The following IGFLR1 variants were observed in gnomAD, a reference collection of about 807,000 sequenced individuals.
IGFLR1 encodes IGF like family receptor 1, also known as IGF-like family receptor 1.
Under a neutral mutation model 23.4 loss-of-function variants are expected in IGFLR1, and 17 were observed. The observed-to-expected ratio is 0.73, with a 90% CI of 0.50 to 1.09. The LOEUF (loss-of-function observed/expected upper bound fraction) is 1.09, where lower values mean the gene tolerates loss of function less well. IGFLR1 is among the 50% of genes least tolerant of loss of function. IGFLR1 has a pLI of 0.00. For missense variants in IGFLR1, 556 were observed against 459.2 expected, an observed-to-expected ratio of 1.21 and a Z score of -1.93; for synonymous variants, 265 against 210.7, an observed-to-expected ratio of 1.26 and a Z score of -2.23.
chr19:35,742,205 G>A (rs998742105), intron 1 of IGFLR1, among the ~76,000 whole-genome samples, 191 bp downstream of exon 1: 3 of 152,030 alleles, frequency 2.0e-5, no homozygotes, highest in African/African-American at 7.3e-5. Context: ...ATCACAATTC[G>A]GCAGGCACGG....
intron 1 of IGFLR1, 77 bp from the exon 2 acceptor site, chr19:35,741,300 A>T: frequency 6.9e-7 from 1 of 1,459,314 alleles, no homozygotes; most frequent in Non-Finnish European, 9.3e-7. Context: ...CCTCTTCGGA[A>T]GCCGGGAATC....
intron 1 of IGFLR1, 138 bp downstream of exon 1, chr19:35,742,253 GCACCT>G (rs769928801): frequency 1.6e-4 from 91 of 581,056 alleles, no homozygotes; most frequent in Non-Finnish European, 2.3e-4. Flanking sequence ...CCACCTCCCA[GCACCT>G]CACCTCACCT....
chr19:35,739,275 G>A lies in IGFLR1; in HGVS notation c.*5C>T. On this transcript the variant is annotated 3_prime_UTR_variant, in exon 5 of 5. Transcript: ENST00000246532. ...TTAGTAGTCAGCAAAGTTCTTTATT[G>A]GGTGTTAAGCCCAGCAAACCCCAGA... The A allele has an allele frequency of 6.4e-7, 1 of 1,566,114 alleles. No individual in the cohort carries two copies. Among genetic ancestry groups the A allele is most frequent in the Non-Finnish European group, 8.7e-7 (1 of 1,151,454 alleles).
chr19:35,739,195 T>G lies in IGFLR1; in HGVS notation c.*85A>C. 1 of 1,272,342 alleles carries G rather than the reference T, an allele frequency of 7.9e-7. No homozygotes were observed. The highest frequency in any genetic ancestry group is 1.1e-6 in the Non-Finnish European group (1 of 930,890). The allele number at this position is 1,272,342 out of a possible 1,614,324, so 78.8% of individuals were successfully genotyped here. A position where few individuals can be genotyped will look rare whatever the true frequency, so the allele number is the denominator to read the frequency against. ...GCAGTGAGGCTATCTGTTGGGTCTT[T>G]GCCCAATTAGGATTGTACTTCAAGA... On this transcript the variant is annotated 3_prime_UTR_variant, in exon 5 of 5. Coordinates refer to ENST00000246532, the MANE Select transcript of IGFLR1 (RefSeq NM_024660.4).
chr19:35,739,765 G>T lies in IGFLR1; in HGVS notation c.666C>A (p.Ala222=). 1 of 1,558,130 alleles carries T rather than the reference G, an allele frequency of 6.4e-7. No homozygotes were observed. Among genetic ancestry groups the T allele is most frequent in the Non-Finnish European group, 8.7e-7 (1 of 1,148,958 alleles). ...CCTTCCATGTGTCCCCTGTCTCCAGGGCGCCTGGGGAGGACAGATGCGAGG... is the reference window on the plus strand; with the variant it reads ...CCTTCCATGTGTCCCCTGTCTCCAGTGCGCCTGGGGAGGACAGATGCGAGG... ...PSSSHLSSPG[A]LETGDTWKEA... is the part of the protein sequence containing the mutation. Residue 222 remains alanine (A), a synonymous_variant, in exon 4 of 5, where the codon GCC becomes GCA. Coordinates refer to ENST00000246532, the MANE Select transcript of IGFLR1 (RefSeq NM_024660.4).
At chr19:35,740,334 C>A in intron 3 of IGFLR1, 46 bp downstream of exon 3, 1 of 1,505,848 alleles carries the variant, frequency 6.6e-7, no homozygotes, top group Non-Finnish European at 8.8e-7. Flanking sequence ...CATCTAGGCC[C>A]CCCACCTCCA....
intron 1 of IGFLR1, 94 bp from the exon 2 acceptor site, chr19:35,741,317 C>T: frequency 2.3e-6 from 3 of 1,324,824 alleles, no homozygotes; most frequent in Non-Finnish European, 3.1e-6. Context: ...AATCTACCCC[C>T]GAGCCCTCAT....
rs199915081 is a variant in IGFLR1 at position 35,739,881 on chromosome 19, G to A, written c.550C>T (p.Leu184Phe). 38 of 1,614,022 alleles carry A rather than the reference G, an allele frequency of 2.4e-5. No individual in the cohort carries two copies. The highest frequency in any genetic ancestry group is 3.2e-5 in the Non-Finnish European group (38 of 1,180,010). ...AVIAILLFIL[L>F]WHLCWPKEKA... is the part of the protein sequence containing the mutation. ...TCCTTGGGCCAGCAGAGATGCCAGA[G>A]CAGAATAAACAGGAGGATCGCTATC... The change falls in exon 4 of 5, where the codon CTC becomes TTC. Residue 184 changes from leucine (L) to phenylalanine (F), a missense_variant. Physicochemically the swap from Leu to Phe is conservative, Grantham distance 22. Transcript: ENST00000246532.
In IGFLR1 at chr19:35,740,555, A is replaced by G. The variant is rs1435256840; in HGVS notation, c.167T>C (p.Phe56Ser). 4 of 1,606,066 alleles carry G rather than the reference A, an allele frequency of 2.5e-6. No homozygotes were observed. Among genetic ancestry groups the G allele is most frequent in the Non-Finnish European group, 3.4e-6 (4 of 1,176,370 alleles). ...FGPPPCPDYEFRENCGLNDHG... is the reference protein window; with the variant it reads ...FGPPPCPDYESRENCGLNDHG... ...GTCATTGAGTCCGCAGTTTTCCCGG[A>G]ACTCATAGTCTAGCGGGAAAGCTGC... Residue 56 changes from phenylalanine (F) to serine (S), a missense_variant, in exon 3 of 5, where the codon TTC becomes TCC. Transcript: ENST00000246532.
Position 35,739,288 on chromosome 19 carries a change from A to C in IGFLR1, c.1060T>G (p.Trp354Gly). 3.8e-6 allele frequency: 6 copies of C among 1,588,792 alleles called. No individual in the cohort carries two copies. The highest frequency in any genetic ancestry group is 5.2e-6 in the Non-Finnish European group (6 of 1,164,250). The change falls in exon 5 of 5, where the codon TGG becomes GGG. Residue 354 changes from tryptophan (W) to glycine (G), a missense_variant. Coordinates refer to ENST00000246532, the MANE Select transcript of IGFLR1 (RefSeq NM_024660.4). The stretch of plus-strand genomic sequence containing the variant: ...AAGTTCTTTATTGGGTGTTAAGCCC[A>C]GCAAACCCCAGATGAGCCAAGCTTG... ...LSKLGSSGVC[W>G]A
chr19:35,739,764 G>A lies in IGFLR1; in HGVS notation c.667C>T (p.Leu223=). 6.4e-7 allele frequency: 1 copy of A among 1,558,060 alleles called. No individual in the cohort carries two copies. Among genetic ancestry groups the A allele is most frequent in the South Asian group, 1.2e-5 (1 of 82,342 alleles). ...TCCTTCCATGTGTCCCCTGTCTCCA[G>A]GGCGCCTGGGGAGGACAGATGCGAG... ...SSSHLSSPGA[L]ETGDTWKEAS... The change falls in exon 4 of 5, where the codon CTG becomes TTG. Residue 223 remains leucine (L), a synonymous_variant. Coordinates refer to ENST00000246532, the MANE Select transcript of IGFLR1 (RefSeq NM_024660.4).
Position 35,739,467 on chromosome 19 carries a change from G to A in IGFLR1, c.881C>T (p.Ala294Val), listed in dbSNP as rs927746716. ...HLAARYGLPA[A>V]WSTFAYSLRP... ...CAGCGAATAGGCAAAGGTGGACCAG[G>A]CAGCAGGCAGCCCATATCTTGCGGC... Residue 294 changes from alanine to valine, a missense_variant, in exon 5 of 5, where the codon GCC becomes GTC. By Grantham distance (64) the Ala-to-Val change is moderately conservative. Transcript: ENST00000246532. 6 of 1,613,844 alleles carry A rather than the reference G, an allele frequency of 3.7e-6. No individual in the cohort carries two copies. The highest frequency in any genetic ancestry group is 1.7e-5 in the Admixed American group (1 of 60,008).
At position 35,740,968 on chromosome 19, in the gene IGFLR1, C is replaced by T. The variant is rs769840324; in HGVS notation, c.157+56G>A. ...GTAGCCCACAGACCTCGCCCCTTCC[C>T]CGCTCCCTATCACCTGCAAGCTCCG... is the stretch of plus-strand genomic sequence containing the variant. On this transcript the variant is annotated intron_variant, in intron 2 of 4. Transcript: ENST00000246532. 1.9e-6 allele frequency: 3 copies of T among 1,563,692 alleles called. No individual in the cohort carries two copies. In the African/African-American group the frequency reaches 4.0e-5, roughly 21 times the overall value.
intron 3 of IGFLR1, 120 bp from the exon 4 acceptor site, chr19:35,740,208 G>T: frequency 7.3e-7 from 1 of 1,379,258 alleles, no homozygotes; most frequent in African/African-American, 1.5e-5. Flanking sequence ...ATCTGATAAG[G>T]TAGTTGGGCC....
rs1415916894 is a variant in IGFLR1 at position 35,739,408 on chromosome 19, C to A, written c.940G>T (p.Glu314Ter). 9 of 1,613,618 alleles carry A rather than the reference C, an allele frequency of 5.6e-6. No homozygotes were observed. Among genetic ancestry groups the A allele is most frequent in the Non-Finnish European group, 6.8e-6 (8 of 1,179,922 alleles). ...PSRSPLRALI[E>*]MVVAREPSAS... ...GAGGGCTCCCTTGCCACCACCATCT[C>A]AATCAGAGCCCGCAGCGGCGAGCGA... Residue 314 changes from glutamate to a stop codon, truncating the protein, a stop_gained, in exon 5 of 5, where the codon GAG (glutamate) becomes TAG (stop). Transcript: ENST00000246532. LOFTEE classifies it low-confidence loss of function (END_TRUNC).
At position 35,741,123 on chromosome 19, in the gene IGFLR1, G is replaced by A. The variant is rs146125042; in HGVS notation, c.58C>T (p.Pro20Ser). Reference protein sequence around the residue: ...ALLLLALAPPPEASQYCGRLE... With the variant: ...ALLLLALAPPSEASQYCGRLE... ...CGGCCGCAGTACTGGGAGGCTTCCG[G>A]CGGTGGCGCCAGGGCCAGAAGCAAC... Residue 20 changes from proline (P) to serine (S), a missense_variant, in exon 2 of 5, where the codon CCG (proline) becomes TCG (serine). Physicochemically the swap from Pro to Ser is moderately conservative, Grantham distance 74. Coordinates refer to ENST00000246532, the MANE Select transcript of IGFLR1 (RefSeq NM_024660.4). The A allele has an allele frequency of 2.4e-3, 3,876 of 1,601,348 alleles. 9 individuals are homozygous for A. Among genetic ancestry groups the A allele is most frequent in the Non-Finnish European group, 3.0e-3 (3,569 of 1,171,712 alleles).
chr19:35,740,742 C>A, intron 2 of IGFLR1, 178 bp from the exon 3 acceptor site: 1 of 687,590 alleles, frequency 1.5e-6, no homozygotes, highest in Non-Finnish European at 2.4e-6. Flanking sequence ...CTCCAGCCTG[C>A]TCCGCACGAA....
chr19:35,740,044 G>A lies in IGFLR1; in HGVS notation c.387C>T (p.Asn129=). The A allele has an allele frequency of 6.2e-7, 1 of 1,613,898 alleles. No individual in the cohort carries two copies. The highest frequency in any genetic ancestry group is 1.7e-5 in the Admixed American group (1 of 60,018). ...GCTCCTGGGAGCTAGGGGCGCCTGGGTTTCCAGGTGTGAGGGGGCAGTGCC... is the reference window on the plus strand; with the variant it reads ...GCTCCTGGGAGCTAGGGGCGCCTGGATTTCCAGGTGTGAGGGGGCAGTGCC... ...AKGHCPLTPG[N]PGAPSSQERS... Residue 129 remains asparagine, a synonymous_variant, in exon 4 of 5, where the codon AAC becomes AAT. Transcript: ENST00000246532.
chr19:35,740,879 T>G (rs985177006), intron 2 of IGFLR1, 145 bp downstream of exon 2: 27 of 753,706 alleles, frequency 3.6e-5, no homozygotes, highest in Non-Finnish European at 5.7e-5. Context: ...AGGCTCTGCC[T>G]GCCATCCCTG....
Sources: allele counts gnomAD v4.1 joint callset (sites outside exome capture counted in the v4.1 genomes callset), GRCh38; gene constraint gnomAD v4.1.1; transcripts MANE v1.5; gene names NCBI Gene and HGNC (gene_info 2026-07-23, HGNC 2026-07-21).